Variants in TRMT9B observed in about 807,000 individuals in gnomAD.
The protein encoded by TRMT9B is tRNA methyltransferase 9B (putative), also known as probable tRNA methyltransferase 9B.
A neutral mutation model predicts 11.5 loss-of-function variants in TRMT9B; 16 were observed. The observed-to-expected ratio is 1.39, with a 90% CI of 0.94 to 2.11. The LOEUF is 2.11. Ranked by LOEUF, TRMT9B falls within the 30% of genes most tolerant of loss-of-function variation. TRMT9B has a pLI of 0.00. For missense variants in TRMT9B, 941 were observed against 553.8 expected (o/e 1.70, Z -7.02); for synonymous variants, 274 against 192.4 (o/e 1.42, Z -3.51).
chr8:12,969,858 T>A (rs911491473), intron 1 of TRMT9B: 1 of 150,416 alleles, frequency 6.6e-6, no homozygotes, highest in Non-Finnish European at 1.5e-5. Context: ...TTTTTTTTTT[T>A]TTTTTTTTTG....
intron 1 of TRMT9B, among the ~76,000 whole-genome samples, chr8:12,980,502 C>G (rs1331486515): frequency 3.9e-5 from 6 of 152,168 alleles, no homozygotes; most frequent in Non-Finnish European, 7.3e-5. Context: ...GTGGGCAAAG[C>G]TCCCTGCTCC....
chr8:12,985,910 G>C (rs545432162), intron 1 of TRMT9B, among the ~76,000 whole-genome samples: 7 of 151,896 alleles, frequency 4.6e-5, no homozygotes, highest in Non-Finnish European at 1.0e-4. Context: ...ACCCAGGCTT[G>C]AGTGCTGTGG....
intron 1 of TRMT9B, among the ~76,000 whole-genome samples, chr8:12,984,300 T>C (rs545356558): frequency 4.6e-5 from 7 of 152,346 alleles, no homozygotes; most frequent in African/African-American, 1.7e-4. Flanking sequence ...CCAAGCACTT[T>C]GGTTAAGGGA....
rs530401669 is a variant in TRMT9B at position 13,012,107 on chromosome 8, G to A, written c.155-577G>A. ...GGACCAGCTAACGTGCCTTGGTTGC[G>A]CCAGTGTACTGAGCCCTGTGGACAT... is the stretch of plus-strand genomic sequence containing the variant. On this transcript the variant is annotated intron_variant, in intron 3 of 4. Coordinates refer to ENST00000524591, the MANE Select transcript of TRMT9B (RefSeq NM_020844.3). The A allele has an allele frequency of 1.2e-5, 12 of 985,320 alleles. No homozygotes were observed. The East Asian group carries it at 5.7e-4, about 47-fold the overall frequency. The allele number at this position is 985,320 out of a possible 1,614,324, so 61.0% of individuals were successfully genotyped here.
At chr8:12,996,448 G>A (rs1239650583) in intron 2 of TRMT9B, among the ~76,000 whole-genome samples, 1 of 152,132 alleles carries the variant, frequency 6.6e-6, no homozygotes, top group Non-Finnish European at 1.5e-5. Context: ...TTTCTTCTGA[G>A]GCAAAACTCT....
intron 3 of TRMT9B, among the ~76,000 whole-genome samples, chr8:13,009,594 G>A (rs1247783872): frequency 6.6e-6 from 1 of 152,088 alleles, no homozygotes; most frequent in African/African-American, 2.4e-5. Flanking sequence ...AAGCGTATTT[G>A]TGCCTGTGAG....
Position 13,006,277 on chromosome 8 carries a change from C to T in TRMT9B, c.75C>T (p.Ser25=), listed in dbSNP as rs373841724. The change falls in exon 3 of 5, where the codon AGC becomes AGT. Residue 25 remains serine (S), a synonymous_variant. Transcript: ENST00000524591. ...NVYESTAPYF[S]DLQSKAWPRV... is the part of the protein sequence containing the mutation. ...ACGAGAGCACAGCCCCTTACTTCAG[C>T]GACCTGCAGAGCAAAGCCTGGCCTC... The T allele has an allele frequency of 4.1e-5, 66 of 1,613,822 alleles. 2 individuals are homozygous for T. The East Asian group carries it at 9.4e-4, about 23-fold the overall frequency.
At chr8:13,019,748 C>A (rs1813456940) in intron 4 of TRMT9B, among the ~76,000 whole-genome samples, 1 of 152,178 alleles carries the variant, frequency 6.6e-6, no homozygotes, top group Admixed American at 6.5e-5. Context: ...TATTAAAGGA[C>A]TCTTCTTTTC....
At chr8:12,954,633 T>G (rs749954846) in intron 1 of TRMT9B, among the ~76,000 whole-genome samples, 5 of 152,234 alleles carry the variant, frequency 3.3e-5, no homozygotes, top group Non-Finnish European at 7.3e-5. Flanking sequence ...AAGAATGGCA[T>G]GAAAGCATTA....
chr8:12,972,802 C>G (rs1485005356), intron 1 of TRMT9B, among the ~76,000 whole-genome samples: 1 of 152,156 alleles, frequency 6.6e-6, no homozygotes, highest in African/African-American at 2.4e-5. Flanking sequence ...GAAGAAATGA[C>G]TGAAATGTTT....
intron 2 of TRMT9B, among the ~76,000 whole-genome samples, chr8:12,998,234 C>G (rs1312680469): frequency 6.6e-6 from 1 of 152,126 alleles, no homozygotes; most frequent in Non-Finnish European, 1.5e-5. Context: ...ATATAGTCTA[C>G]TTTATTTTTC....
rs757276531 is a variant in TRMT9B at position 13,021,376 on chromosome 8, G to A, written c.697G>A (p.Gly233Ser). The A allele has an allele frequency of 2.5e-6, 4 of 1,614,066 alleles. No homozygotes were observed. Among genetic ancestry groups the A allele is most frequent in the Non-Finnish European group, 3.4e-6 (4 of 1,179,906 alleles). ...CTGTTTTGCAAATATTTCTAAGGAAGGCGAGGAAGAATATGGATTTTACAG... is the reference window on the plus strand; with the variant it reads ...CTGTTTTGCAAATATTTCTAAGGAAAGCGAGGAAGAATATGGATTTTACAG... ...RTCFANISKE[G>S]EEEYGFYSTL... Residue 233 changes from glycine to serine, a missense_variant, in exon 5 of 5, where the codon GGC (glycine) becomes AGC (serine). By Grantham distance (56) the Gly-to-Ser change is moderately conservative (BLOSUM62 0). Coordinates refer to ENST00000524591, the MANE Select transcript of TRMT9B (RefSeq NM_020844.3).
At chr8:12,979,917 C>T (rs980520997) in intron 1 of TRMT9B, among the ~76,000 whole-genome samples, 15 of 152,124 alleles carry the variant, frequency 9.9e-5, no homozygotes, top group Non-Finnish European at 1.9e-4. Flanking sequence ...GAACCCTGAT[C>T]GTCTGAGAAG....
At chr8:13,010,313 C>A (rs1811362142) in intron 3 of TRMT9B, 1 of 949,492 alleles carries the variant, frequency 1.1e-6, no homozygotes, top group Non-Finnish European at 1.3e-6. Context: ...ATGAAAGATG[C>A]ATTTTAATGA....
In TRMT9B at chr8:13,022,043, G is replaced by A. The variant is rs1384287098; in HGVS notation, c.1364G>A (p.Ter455=). ...IIAEKKRGCD[*] ...GCAGAGAAAAAGAGAGGTTGTGATT[G>A]ATTGGATCCTTTTAGACAACTCCTC... Residue 455 remains the stop codon, a stop_retained_variant, in exon 5 of 5, where the codon TGA becomes TAA. Coordinates refer to ENST00000524591, the MANE Select transcript of TRMT9B (RefSeq NM_020844.3). 1 of 1,565,916 alleles carries A rather than the reference G, an allele frequency of 6.4e-7. No homozygotes were observed. The highest frequency in any genetic ancestry group is 1.2e-5 in the South Asian group (1 of 81,598).
chr8:13,012,562 G>A (rs752070881), intron 3 of TRMT9B, 122 bp from the exon 4 acceptor site: 48 of 1,273,898 alleles, frequency 3.8e-5, no homozygotes, highest in Non-Finnish European at 4.7e-5. Flanking sequence ...GTGACTGAGG[G>A]AGACTCTGTC....
chr8:12,968,872 C>T (rs1057100323), intron 1 of TRMT9B, among the ~76,000 whole-genome samples: 1 of 152,334 alleles, frequency 6.6e-6, no homozygotes, highest in African/African-American at 2.4e-5. Context: ...ATTTGCAGGA[C>T]TTCGGCAGTG....
chr8:13,014,699 C>A (rs1201286558), intron 4 of TRMT9B, among the ~76,000 whole-genome samples: 1 of 152,134 alleles, frequency 6.6e-6, no homozygotes, highest in East Asian at 1.9e-4. Context: ...CAACACTATA[C>A]AATGCTTTGA....
At position 13,006,230 on chromosome 8, in the gene TRMT9B, A is replaced by G. The variant is rs1471957435; in HGVS notation, c.28A>G (p.Lys10Glu). ...GGATCATGAAGCCGCCCAGCTGGAG[A>G]AGCAGCATGTGCACAATGTGTACGA... MDHEAAQLE[K>E]QHVHNVYEST... The change falls in exon 3 of 5, where the codon AAG (lysine) becomes GAG (glutamate). Residue 10 changes from lysine to glutamate, a missense_variant. Physicochemically the swap from Lys to Glu is moderately conservative, Grantham distance 56. Coordinates refer to ENST00000524591, the MANE Select transcript of TRMT9B (RefSeq NM_020844.3). The G allele has an allele frequency of 3.1e-6, 5 of 1,613,774 alleles. No homozygotes were observed. Among genetic ancestry groups the G allele is most frequent in the Non-Finnish European group, 4.2e-6 (5 of 1,179,876 alleles).
Sources: gnomAD v4.1 joint callset for allele counts (sites outside exome capture counted in the v4.1 genomes callset) on GRCh38, gnomAD v4.1.1 for gene constraint, MANE v1.5 for transcripts, NCBI Gene and HGNC (gene_info 2026-07-23, HGNC 2026-07-21) for gene names.